The following MMRN1 variants were observed in gnomAD, a reference collection of about 807,000 sequenced individuals.
The protein encoded by MMRN1 is multimerin-1.
MMRN1 carries 94 observed loss-of-function variants against 100.7 expected under a neutral mutation model. The ratio of observed to expected loss-of-function variants is 0.93; its 90% CI spans 0.79 to 1.11. MMRN1 has a LOEUF of 1.11. Among genes scored for constraint, MMRN1 ranks in the 50% least tolerant of loss-of-function variants. The pLI, the probability that MMRN1 is intolerant of heterozygous loss-of-function variation, is 0.00. For synonymous variants in MMRN1, 575 were observed against 505.0 expected (o/e 1.14, Z -1.86); for missense variants, 1,606 against 1,439.1 (o/e 1.12, Z -1.88).
chr4:89,909,654 A>G (rs1007517449), intron 2 of MMRN1, among the ~76,000 whole-genome samples: 1 of 151,520 alleles, frequency 6.6e-6, no homozygotes, highest in African/African-American at 2.4e-5. Flanking sequence ...AATGTTAATT[A>G]TCATGCTTAT....
intron 3 of MMRN1, among the ~76,000 whole-genome samples, chr4:89,918,692 A>T (rs1423099736): frequency 6.6e-6 from 1 of 151,884 alleles, no homozygotes; most frequent in Non-Finnish European, 1.5e-5. Context: ...ACAGTAGCTT[A>T]TAGTGCCAAA....
At chr4:89,888,363 T>C (rs1184460387) in intron 1 of MMRN1, among the ~76,000 whole-genome samples, 1 of 151,884 alleles carries the variant, frequency 6.6e-6, no homozygotes, top group Non-Finnish European at 1.5e-5. Flanking sequence ...TTTAAAGATG[T>C]AATTCTATTG....
intron 1 of MMRN1, among the ~76,000 whole-genome samples, chr4:89,909,017 G>T (rs1013097496): frequency 6.6e-6 from 1 of 151,326 alleles, no homozygotes; most frequent in African/African-American, 2.4e-5. Flanking sequence ...GCTAAACTCT[G>T]CAGGTTTCTC....
intron 6 of MMRN1, among the ~76,000 whole-genome samples, chr4:89,945,445 T>C: frequency 6.6e-6 from 1 of 152,180 alleles, no homozygotes; most frequent in East Asian, 1.9e-4. Context: ...CCATGAATAA[T>C]ATATGAGAAT....
chr4:89,936,540 C>A lies in MMRN1; in HGVS notation c.2860C>A (p.Pro954Thr), dbSNP rs771291171. The A allele has an allele frequency of 1.9e-5, 31 of 1,612,864 alleles. No individual in the cohort carries two copies. Among genetic ancestry groups the A allele is most frequent in the South Asian group, 6.6e-5 (6 of 90,882 alleles). Residue 954 changes from proline (P) to threonine (T), a missense_variant, in exon 6 of 8, where the codon CCA (proline) becomes ACA (threonine). Pro to Thr is a conservative substitution (Grantham distance 38). Coordinates refer to ENST00000264790, the MANE Select transcript of MMRN1 (RefSeq NM_007351.3). ...TIPKWIKHSL[P>T]DIQLLQKGLT... is the part of the protein sequence containing the mutation. ...CCCTAAGTGGATAAAACATTCCCTG[C>A]CAGATATTCAACTTCTTCAGAAAGG...
At chr4:89,882,127 T>C (rs1720833291) in intron 1 of MMRN1, among the ~76,000 whole-genome samples, 1 of 151,534 alleles carries the variant, frequency 6.6e-6, no homozygotes, top group Admixed American at 6.6e-5. Flanking sequence ...TGATATGGAG[T>C]GGGGGATATT....
At chr4:89,933,648 C>T (rs1722511115) in intron 5 of MMRN1, among the ~76,000 whole-genome samples, 1 of 152,134 alleles carries the variant, frequency 6.6e-6, no homozygotes, top group Non-Finnish European at 1.5e-5. Flanking sequence ...AGGGGAACTG[C>T]CCTTTATAAA....
rs527411184 is a variant in MMRN1, at chr4:89,905,585, G to T, written c.624-3691G>T. On this transcript the variant is annotated intron_variant, in intron 1 of 7. Transcript: ENST00000264790. ...TGAGGTGTGAGGGGTTATTACTAGA[G>T]TCACCTGATAATCTTATTTCTTCAA... Among the ~76,000 whole-genome samples the T allele has an allele frequency of 5.1e-4, 77 of 151,558 alleles. No homozygotes were observed. The South Asian group carries it at 9.1e-3, about 18-fold the overall frequency.
chr4:89,928,021 T>C, intron 5 of MMRN1, 53 bp downstream of exon 5: 1 of 1,379,634 alleles, frequency 7.2e-7, no homozygotes, highest in Non-Finnish European at 9.8e-7. Flanking sequence ...AAGCAAATGA[T>C]TCATTTTTCT....
At chr4:89,947,160 T>C (rs528782755) in intron 6 of MMRN1, among the ~76,000 whole-genome samples, 1 of 152,288 alleles carries the variant, frequency 6.6e-6, no homozygotes, top group East Asian at 1.9e-4. Flanking sequence ...TGCACACCTG[T>C]AGTCCCAGCT....
intron 6 of MMRN1, among the ~76,000 whole-genome samples, chr4:89,938,816 A>G (rs896478651): frequency 1.3e-5 from 2 of 152,006 alleles, no homozygotes; most frequent in African/African-American, 4.8e-5. Flanking sequence ...GTCTACCAAA[A>G]ATAACTATTA....
chr4:89,935,561 A>G lies in MMRN1; in HGVS notation c.1881A>G (p.Pro627=). The change falls in exon 6 of 8, where the codon CCA becomes CCG. Residue 627 remains proline (P), a synonymous_variant. Transcript: ENST00000264790. ...LNQTLAEVLF[P]MDNKMDKMSE... is the part of the protein sequence containing the mutation. ...AAACATTGGCTGAAGTTCTCTTTCC[A>G]ATGGACAATAAGATGGACAAAATGA... The G allele has an allele frequency of 6.2e-7, 1 of 1,613,468 alleles. No homozygotes were observed. Among genetic ancestry groups the G allele is most frequent in the Non-Finnish European group, 8.5e-7 (1 of 1,179,728 alleles).
rs374677318 is a variant in MMRN1, at chr4:89,935,455, G to T, written c.1775G>T (p.Cys592Phe). ...EMEKESLRGE[C>F]EDMLSKCRND... ...GAGAAAGAGTCTCTCAGAGGTGAATGTGAAGACATGTTATCCAAATGCAGA... is the reference window on the plus strand; with the variant it reads ...GAGAAAGAGTCTCTCAGAGGTGAATTTGAAGACATGTTATCCAAATGCAGA... Residue 592 changes from cysteine to phenylalanine, a missense_variant, in exon 6 of 8, where the codon TGT becomes TTT. Cys to Phe is a radical substitution (Grantham distance 205). Transcript: ENST00000264790. 3 of 1,613,432 alleles carry T rather than the reference G, an allele frequency of 1.9e-6. No homozygotes were observed. The highest frequency in any genetic ancestry group is 1.7e-5 in the Admixed American group (1 of 59,936).
chr4:89,920,322 T>C (rs939154246), intron 3 of MMRN1, among the ~76,000 whole-genome samples: 2 of 152,138 alleles, frequency 1.3e-5, no homozygotes, highest in Non-Finnish European at 2.9e-5. Flanking sequence ...AGTCTGGCTT[T>C]TGAGTGGAAA....
chr4:89,936,522 T>C lies in MMRN1; in HGVS notation c.2842T>C (p.Trp948Arg), dbSNP rs772359210. The stretch of plus-strand genomic sequence containing the variant: ...AGAACTGAATGCTACCATCCCTAAG[T>C]GGATAAAACATTCCCTGCCAGATAT... ...VSELNATIPK[W>R]IKHSLPDIQL... Residue 948 changes from tryptophan to arginine, a missense_variant, in exon 6 of 8, where the codon TGG becomes CGG. Trp to Arg is a moderately radical substitution (Grantham distance 101, BLOSUM62 -3). Coordinates refer to ENST00000264790, the MANE Select transcript of MMRN1 (RefSeq NM_007351.3). 3 of 1,613,062 alleles carry C rather than the reference T, an allele frequency of 1.9e-6. No homozygotes were observed. In the East Asian group the frequency reaches 6.7e-5, roughly 36 times the overall value.
rs1408913345 is a variant in MMRN1 at position 89,925,647 on chromosome 4, T to C, written c.956-2148T>C. Among the ~76,000 whole-genome samples, 7 of 151,908 alleles carry C rather than the reference T, an allele frequency of 4.6e-5. No individual in the cohort carries two copies. In the South Asian group the frequency reaches 8.3e-4, roughly 18 times the overall value. On this transcript the variant is annotated intron_variant, in intron 4 of 7. Coordinates refer to ENST00000264790, the MANE Select transcript of MMRN1 (RefSeq NM_007351.3). ...GAGATCAAGAACATCCTGGCCAACA[T>C]GGTGAAACCCTGTCTCTACTCAAAT... is the stretch of plus-strand genomic sequence containing the variant.
chr4:89,943,520 G>A (rs922845901), intron 6 of MMRN1, among the ~76,000 whole-genome samples: 7 of 152,138 alleles, frequency 4.6e-5, no homozygotes, highest in African/African-American at 1.7e-4. Flanking sequence ...TCTTAAAGCA[G>A]TTTTTGTTTT....
chr4:89,913,556 A>C (rs2110601084), intron 3 of MMRN1, among the ~76,000 whole-genome samples: 1 of 151,474 alleles, frequency 6.6e-6, no homozygotes, highest in East Asian at 1.9e-4. Flanking sequence ...CAAGAAACAA[A>C]GACTAGCTGA....
At chr4:89,887,562 T>C (rs1010189265) in intron 1 of MMRN1, among the ~76,000 whole-genome samples, 2 of 152,102 alleles carry the variant, frequency 1.3e-5, no homozygotes, top group Admixed American at 6.6e-5. Flanking sequence ...TTCAGTATTA[T>C]GTGTTCTTAA....
Sources: gnomAD v4.1 joint callset for allele counts (sites outside exome capture counted in the v4.1 genomes callset) on GRCh38, gnomAD v4.1.1 for gene constraint, MANE v1.5 for transcripts, NCBI Gene and HGNC (gene_info 2026-07-23, HGNC 2026-07-21) for gene names.